Variants in MAP3K13 observed in about 807,000 individuals in gnomAD.
MAP3K13 encodes the protein leucine zipper-bearing kinase.
A neutral mutation model predicts 104.0 loss-of-function variants in MAP3K13; 52 were observed. The ratio of observed to expected loss-of-function variants is 0.50; its 90% CI spans 0.40 to 0.63. The LOEUF (loss-of-function observed/expected upper bound fraction) is 0.63. MAP3K13 is among the 20% of genes least tolerant of loss of function. The pLI is 0.00. For synonymous variants in MAP3K13, 394 were observed against 442.2 expected (o/e 0.89, Z 1.37); for missense variants, 914 against 1,218.5 (o/e 0.75, Z 3.72).
chr3:185,356,148 GATA>G lies in MAP3K13; in HGVS notation c.-86+70516_-86+70518del, dbSNP rs1301081276. 1.1e-4 allele frequency among the ~76,000 whole-genome samples: 15 copies of G among 141,810 alleles called. No homozygotes were observed. The South Asian group carries it at 1.5e-3, about 14-fold the overall frequency. The allele number at this position is 141,810 out of a possible 152,430, so 93.0% of individuals were successfully genotyped here. ...ATGTCGAACTTTTGATGGTGACAAA[GATA>G]ATAATAATAAAGTGTAAACACCATG... On this transcript the variant is annotated intron_variant, in intron 2 of 14. Transcript: ENST00000424227.
In MAP3K13 at chr3:185,418,169, G is replaced by T; in HGVS notation, c.-85-10328G>T. 1 of 1,610,436 alleles carries T rather than the reference G, an allele frequency of 6.2e-7. No homozygotes were observed. The highest frequency in any genetic ancestry group is 8.5e-7 in the Non-Finnish European group (1 of 1,178,198). On this transcript the variant is annotated intron_variant, in intron 1 of 13. Transcript: ENST00000265026. The surrounding 1 kb of genome is among the most constrained non-coding windows in gnomAD (Gnocchi z 4.5). ...TTATAGATGATGCACAGGCCCCTGC[G>T]CTGGATACGGCGACGGTTTCTCATT...
intron 2 of MAP3K13, among the ~76,000 whole-genome samples, chr3:185,296,689 C>G (rs1214387565): frequency 6.6e-6 from 1 of 152,178 alleles, no homozygotes; most frequent in Non-Finnish European, 1.5e-5. Flanking sequence ...GTGACTGACA[C>G]ATGGTGGGCC....
intron 2 of MAP3K13, among the ~76,000 whole-genome samples, chr3:185,303,817 A>G (rs1414995926): frequency 6.6e-6 from 1 of 150,668 alleles, no homozygotes; most frequent in African/African-American, 2.4e-5. Context: ...CCTCTATTTT[A>G]TTTATTTATG....
chr3:185,287,833 C>T (rs962759633), intron 2 of MAP3K13, among the ~76,000 whole-genome samples: 7 of 151,972 alleles, frequency 4.6e-5, no homozygotes, highest in African/African-American at 1.4e-4. Context: ...GTCGGGAGTT[C>T]GAGACCAGCC....
At chr3:185,305,004 T>A (rs1030934602) in intron 2 of MAP3K13, among the ~76,000 whole-genome samples, 12 of 152,256 alleles carry the variant, frequency 7.9e-5, no homozygotes, top group African/African-American at 2.9e-4. Context: ...TCTATGTGTG[T>A]TCTTATATCT....
chr3:185,324,963 G>T (rs1405711323), intron 2 of MAP3K13, among the ~76,000 whole-genome samples: 2 of 152,128 alleles, frequency 1.3e-5, no homozygotes, highest in Non-Finnish European at 2.9e-5. Flanking sequence ...AGAATAGGTG[G>T]TTTTGTAGCT....
At chr3:185,467,051 C>T (rs1717483188) in intron 10 of MAP3K13, 88 bp downstream of exon 10, 7 of 1,441,098 alleles carry the variant, frequency 4.9e-6, no homozygotes, top group Non-Finnish European at 5.8e-6. Flanking sequence ...GATGTGGCCT[C>T]TTCTTTAGCT....
Position 185,473,697 on chromosome 3 carries a change from C to T in MAP3K13, c.2366C>T (p.Ser789Phe). ...TTCAGCGGCTGTAGGTCTGAGTCAT[C>T]CCTCGGCACCTCTCATCTCGGCACC... ...NEFSGCRSES[S>F]LGTSHLGTPP... The change falls in exon 11 of 14, where the codon TCC (serine) becomes TTC (phenylalanine). Residue 789 changes from serine to phenylalanine, a missense_variant. Physicochemically the swap from Ser to Phe is radical, Grantham distance 155. Coordinates refer to ENST00000265026, the MANE Select transcript of MAP3K13 (RefSeq NM_004721.5). This position sits in a 1 kb window ranked among gnomAD's most constrained non-coding sequence, Gnocchi z 4.9. 6.2e-7 allele frequency: 1 copy of T among 1,614,134 alleles called. No individual in the cohort carries two copies.
chr3:185,425,273 A>T (rs1407160374), intron 1 of MAP3K13, among the ~76,000 whole-genome samples: 2 of 152,154 alleles, frequency 1.3e-5, no homozygotes, highest in Non-Finnish European at 2.9e-5. Flanking sequence ...GTATGTCCAT[A>T]GTTGAGCTAA....
At chr3:185,481,940 C>T (rs761517010) in intron 13 of MAP3K13, among the ~76,000 whole-genome samples, 5 of 152,170 alleles carry the variant, frequency 3.3e-5, no homozygotes, top group South Asian at 2.1e-4. Context: ...AAAAATTATC[C>T]GGGCATGGTG....
chr3:185,427,859 A>T (rs1714515055), intron 1 of MAP3K13, among the ~76,000 whole-genome samples: 1 of 152,180 alleles, frequency 6.6e-6, no homozygotes, highest in African/African-American at 2.4e-5. Context: ...GGGTTGGATC[A>T]CCTAAGGTCA....
chr3:185,444,795 C>A (rs1216662870), intron 4 of MAP3K13, among the ~76,000 whole-genome samples: 2 of 151,850 alleles, frequency 1.3e-5, no homozygotes, highest in Non-Finnish European at 2.9e-5. Flanking sequence ...GTAGCCTGGG[C>A]AATATAGTGA....
intron 2 of MAP3K13, among the ~76,000 whole-genome samples, chr3:185,434,326 G>C (rs1714907356): frequency 6.6e-6 from 1 of 152,174 alleles, no homozygotes; most frequent in Non-Finnish European, 1.5e-5. Context: ...GTGAGCACCG[G>C]CAGTTAAACT....
intron 2 of MAP3K13, among the ~76,000 whole-genome samples, chr3:185,313,098 A>G (rs988093701): frequency 5.3e-5 from 8 of 151,576 alleles, no homozygotes; most frequent in African/African-American, 1.7e-4. Context: ...CTGAGGCAGG[A>G]GAATCACTTG....
At chr3:185,391,555 T>C (rs991332805) in intron 1 of MAP3K13, among the ~76,000 whole-genome samples, 2 of 152,248 alleles carry the variant, frequency 1.3e-5, no homozygotes, top group Non-Finnish European at 2.9e-5. Context: ...TCTAATGTAC[T>C]GTTTCTGTGC....
intron 1 of MAP3K13, among the ~76,000 whole-genome samples, chr3:185,385,070 T>G (rs1291181846): frequency 6.6e-6 from 1 of 152,174 alleles, no homozygotes; most frequent in African/African-American, 2.4e-5. Context: ...GTTTTATAGT[T>G]TCAGGTCATA....
intron 1 of MAP3K13, among the ~76,000 whole-genome samples, chr3:185,410,430 A>G (rs756835584): frequency 1.3e-5 from 2 of 152,162 alleles, no homozygotes; most frequent in East Asian, 1.9e-4. Context: ...ATAGCGTCCC[A>G]CAGCACTGTA....
In MAP3K13 at chr3:185,293,178, C is replaced by T. The variant is rs34986648; in HGVS notation, c.-86+7535C>T. On this transcript the variant is annotated intron_variant, in intron 2 of 14. Coordinates refer to the MAP3K13 transcript ENST00000424227. ...TGTCACCCAGGCTGGAGTGTAGTGG[C>T]GCAATCTTGGTTCACTGCAACCTCT... The T allele has an allele frequency of 1.6e-4, 60 of 387,074 alleles. 2 individuals carry two copies. In the South Asian group the frequency reaches 6.1e-3, roughly 39 times the overall value. 24.0% of individuals were successfully genotyped at this position (387,074 alleles called of 1,614,324 possible). A position where few individuals can be genotyped will look rare whatever the true frequency, so the allele number is the denominator to read the frequency against.
At position 185,395,357 on chromosome 3, in the gene MAP3K13, C is replaced by CTTTCTTTTTTTT. The variant is rs1553798321; in HGVS notation, c.-86+31992_-86+31993insCTTTTTTTTTTT. 5.1e-3 allele frequency among the ~76,000 whole-genome samples: 360 copies of CTTTCTTTTTTTT among 69,960 alleles called. 48 individuals carry two copies. Among genetic ancestry groups the CTTTCTTTTTTTT allele is most frequent in the Non-Finnish European group, 4.9e-3 (200 of 41,190 alleles). 45.9% of individuals were successfully genotyped at this position (69,960 alleles called of 152,430 possible). ...AGGCATTTCTAATTCAATATTATTTCTTTTTTTTTTTTTTTTTTTGAGACG... is the reference window on the plus strand; with the variant it reads ...AGGCATTTCTAATTCAATATTATTTCTTTCTTTTTTTTTTTTTTTTTTTTTTTTTTTGAGACG... On this transcript the variant is annotated intron_variant, in intron 1 of 13. Coordinates refer to ENST00000265026, the MANE Select transcript of MAP3K13 (RefSeq NM_004721.5).
Sources: gnomAD v4.1 joint callset for allele counts (sites outside exome capture counted in the v4.1 genomes callset) on GRCh38, gnomAD v4.1.1 for gene constraint, Gnocchi (gnomAD v3.1) non-coding constraint, MANE v1.5 for transcripts, NCBI Gene and HGNC (gene_info 2026-07-23, HGNC 2026-07-21) for gene names.